Variants in LRPPRC observed in about 807,000 individuals in gnomAD.
LRPPRC encodes leucine-rich PPR motif-containing protein, mitochondrial.
Under a neutral mutation model 180.3 loss-of-function variants are expected in LRPPRC, and 120 were observed. That is an observed-to-expected ratio of 0.67 (90% confidence interval 0.57 to 0.77). LRPPRC has a LOEUF of 0.77. Among genes scored for constraint, LRPPRC ranks in the 30% least tolerant of loss-of-function variants. The probability of loss-of-function intolerance (pLI) is 0.00; values close to 1 mark genes in which losing one functional copy is unlikely to be tolerated. For missense variants in LRPPRC, 2,012 were observed against 1,657.2 expected, an observed-to-expected ratio of 1.21 and a Z score of -3.72; for synonymous variants, 723 against 600.0, an observed-to-expected ratio of 1.21 and a Z score of -3.00.
chr2:43,943,149 T>C (rs1672547564), intron 23 of LRPPRC, among the ~76,000 whole-genome samples: 1 of 152,068 alleles, frequency 6.6e-6, no homozygotes, highest in South Asian at 2.1e-4. Flanking sequence ...ACATTGCAAA[T>C]AATGCCTTAA....
intron 1 of LRPPRC, among the ~76,000 whole-genome samples, chr2:43,990,951 T>A (rs1374287572): frequency 1.3e-5 from 2 of 151,774 alleles, no homozygotes; most frequent in Non-Finnish European, 2.9e-5. Flanking sequence ...GTTCAAGCAA[T>A]TCTCCTGCCT....
chr2:43,969,601 C>T (rs1234911795), intron 11 of LRPPRC, among the ~76,000 whole-genome samples: 1 of 152,044 alleles, frequency 6.6e-6, no homozygotes, highest in African/African-American at 2.4e-5. Flanking sequence ...TAAAGCTCCC[C>T]ACTTAACTCT....
At chr2:43,920,096 A>C (rs1425464208) in intron 27 of LRPPRC, among the ~76,000 whole-genome samples, 4 of 151,620 alleles carry the variant, frequency 2.6e-5, no homozygotes, top group Non-Finnish European at 4.4e-5. Flanking sequence ...AAAAAAAAAA[A>C]AAAAAACTTA....
At chr2:43,950,652 T>C (rs1672863833) in intron 14 of LRPPRC, 52 bp from the exon 15 acceptor site, 2 of 1,215,800 alleles carry the variant, frequency 1.6e-6, no homozygotes, top group Non-Finnish European at 1.2e-6. Context: ...TTTTCAAGTA[T>C]ATGCATACTT....
intron 27 of LRPPRC, among the ~76,000 whole-genome samples, chr2:43,924,342 G>A (rs1041108090): frequency 2.0e-5 from 3 of 152,134 alleles, no homozygotes; most frequent in African/African-American, 7.2e-5. Flanking sequence ...AGCATTGTTT[G>A]AAAAGAGAGA....
chr2:43,982,642 A>G lies in LRPPRC; in HGVS notation c.150-208T>C, dbSNP rs10495911. 0.028 allele frequency among the ~76,000 whole-genome samples: 4,263 copies of G among 152,320 alleles called. 214 individuals carry two copies. The highest frequency in any genetic ancestry group is 0.097 in the African/African-American group (4,038 of 41,562). On this transcript the variant is annotated intron_variant, in intron 1 of 37. Coordinates refer to ENST00000260665, the MANE Select transcript of LRPPRC (RefSeq NM_133259.4). Reference sequence around the variant, plus strand: ...ACACACATACATAAACTATATGCACAGTAAATCTCCTGAATAATTGACAAC... The same window carrying G: ...ACACACATACATAAACTATATGCACGGTAAATCTCCTGAATAATTGACAAC...
intron 14 of LRPPRC, among the ~76,000 whole-genome samples, chr2:43,955,712 T>G (rs1048277295): frequency 1.3e-5 from 2 of 151,754 alleles, no homozygotes; most frequent in Non-Finnish European, 2.9e-5. Flanking sequence ...CACTCTGGCC[T>G]TGGGGACAGA....
In LRPPRC at chr2:43,901,313, T is replaced by TA; in HGVS notation, c.3569+6dup. 1 of 1,610,302 alleles carries TA rather than the reference T, an allele frequency of 6.2e-7. No individual in the cohort carries two copies. Among genetic ancestry groups the TA allele is most frequent in the Non-Finnish European group, 8.5e-7 (1 of 1,177,190 alleles). ...AATGAAGGAAAAGAAGGCTTGCAAA[T>TA]ACTCACTTCTTTATTTGAGCCAAAG... On this transcript the variant is annotated splice_region_variant and intron_variant, in intron 32 of 37. Coordinates refer to ENST00000260665, the MANE Select transcript of LRPPRC (RefSeq NM_133259.4).
chr2:43,984,718 G>A (rs1023127080), intron 1 of LRPPRC, among the ~76,000 whole-genome samples: 10 of 152,142 alleles, frequency 6.6e-5, no homozygotes, highest in Non-Finnish European at 1.5e-4. Context: ...CAAGTCCAGG[G>A]GTGACGGTGG....
Position 43,896,830 on chromosome 2 carries a change from C to G in LRPPRC, c.3826-122G>C, listed in dbSNP as rs1670704112. ...AGTGTATTATTACCAATAGGAAGGC[C>G]TAATAGTCGACTATTATTTTTTAAG... On this transcript the variant is annotated intron_variant, in intron 34 of 37. Coordinates refer to ENST00000260665, the MANE Select transcript of LRPPRC (RefSeq NM_133259.4). The G allele has an allele frequency of 7.3e-6, 5 of 686,270 alleles. No individual in the cohort carries two copies. In the South Asian group the frequency reaches 8.0e-5, roughly 11 times the overall value. The allele number at this position is 686,270 out of a possible 1,614,324, so 42.5% of individuals were successfully genotyped here. A position where few individuals can be genotyped will look rare whatever the true frequency, so the allele number is the denominator to read the frequency against.
chr2:43,899,320 C>G lies in LRPPRC; in HGVS notation c.3724G>C (p.Glu1242Gln). 1.2e-6 allele frequency: 2 copies of G among 1,613,828 alleles called. No individual in the cohort carries two copies. The highest frequency in any genetic ancestry group is 2.7e-5 in the African/African-American group (2 of 75,022). The change falls in exon 34 of 38, where the codon GAG (glutamate) becomes CAG (glutamine). Residue 1242 changes from glutamate to glutamine, a missense_variant. By Grantham distance (29) the Glu-to-Gln change is conservative. Coordinates refer to ENST00000260665, the MANE Select transcript of LRPPRC (RefSeq NM_133259.4). The stretch of plus-strand genomic sequence containing the variant: ...ATTGCAAACTGATTGGCCAATCTCT[C>G]CGCCATGATGCTTACTGGAAAAATG... ...PAVEKISIMA[E>Q]RLANQFAIYK...
chr2:43,983,867 T>C (rs760889282), intron 1 of LRPPRC, among the ~76,000 whole-genome samples: 1 of 152,160 alleles, frequency 6.6e-6, no homozygotes, highest in Non-Finnish European at 1.5e-5. Context: ...AGACTAGAAA[T>C]TCTACCACTG....
chr2:43,990,558 C>G (rs750165926), intron 1 of LRPPRC, among the ~76,000 whole-genome samples: 1 of 152,168 alleles, frequency 6.6e-6, no homozygotes, highest in Non-Finnish European at 1.5e-5. Context: ...TCCCACACAG[C>G]TACACGGGAT....
chr2:43,914,733 AAAAAG>A (rs1489339524), intron 29 of LRPPRC, among the ~76,000 whole-genome samples: 10 of 152,172 alleles, frequency 6.6e-5, no homozygotes, highest in Admixed American at 2.0e-4. Flanking sequence ...TGCCTCAAAA[AAAAAG>A]AAAAGAAAAG....
intron 34 of LRPPRC, among the ~76,000 whole-genome samples, chr2:43,897,961 G>C (rs930010900): frequency 4.7e-5 from 7 of 149,066 alleles, no homozygotes; most frequent in Non-Finnish European, 8.9e-5. Flanking sequence ...TACATATGAA[G>C]ATAAAGCATG....
intron 29 of LRPPRC, among the ~76,000 whole-genome samples, chr2:43,914,660 A>C (rs1671377604): frequency 6.6e-6 from 1 of 151,888 alleles, no homozygotes; most frequent in Non-Finnish European, 1.5e-5. Flanking sequence ...CCCAGGAGGC[A>C]GAGGCTGCAG....
chr2:43,928,789 AC>A (rs1671980830), intron 25 of LRPPRC, among the ~76,000 whole-genome samples: 1 of 151,698 alleles, frequency 6.6e-6, no homozygotes, highest in Admixed American at 6.6e-5. Context: ...CAACATCCCC[AC>A]CCCAACCCAA....
At chr2:43,976,490 T>G (rs946246602) in intron 5 of LRPPRC, among the ~76,000 whole-genome samples, 1 of 152,114 alleles carries the variant, frequency 6.6e-6, no homozygotes, top group Non-Finnish European at 1.5e-5. Context: ...TGTCTTACAC[T>G]ACTAATTACC....
At position 43,995,751 on chromosome 2, in the gene LRPPRC, G is replaced by A. The variant is rs532166645; in HGVS notation, c.149+48C>T. ...TCCCTGCCGGCACCCACGACCCCGG[G>A]GGACCCTGGCGCCGCAGCTTGCCTG... is the stretch of plus-strand genomic sequence containing the variant. On this transcript the variant is annotated intron_variant, in intron 1 of 37. Transcript: ENST00000260665. The A allele has an allele frequency of 1.2e-5, 16 of 1,346,362 alleles. No homozygotes were observed. The African/African-American group carries it at 1.4e-4, about 12-fold the overall frequency. The allele number at this position is 1,346,362 out of a possible 1,614,324, so 83.4% of individuals were successfully genotyped here.
Sources: allele counts gnomAD v4.1 joint callset (sites outside exome capture counted in the v4.1 genomes callset), GRCh38; gene constraint gnomAD v4.1.1; transcripts MANE v1.5; gene names NCBI Gene and HGNC (gene_info 2026-07-23, HGNC 2026-07-21).